The following KIRREL3 variants were observed in gnomAD, a reference collection of about 807,000 sequenced individuals.
KIRREL3 encodes the protein kin of IRRE-like protein 3.
A neutral mutation model predicts 89.7 loss-of-function variants in KIRREL3; 36 were observed. That is an observed-to-expected ratio of 0.40 (90% confidence interval 0.31 to 0.53). The LOEUF is 0.53. KIRREL3 is among the 20% of genes least tolerant of loss of function. The probability of loss-of-function intolerance (pLI) is 0.49; values close to 1 mark genes in which losing one functional copy is unlikely to be tolerated. For missense variants in KIRREL3, 864 were observed against 1,056.6 expected, an observed-to-expected ratio of 0.82 and a Z score of 2.53; for synonymous variants, 445 against 441.4, an observed-to-expected ratio of 1.01 and a Z score of -0.10.
intron 1 of KIRREL3, among the ~76,000 whole-genome samples, chr11:126,834,424 G>A (rs1361771506): frequency 6.6e-6 from 1 of 152,160 alleles, no homozygotes; most frequent in Admixed American, 6.5e-5. Context: ...GATAAAATGT[G>A]GAAGTTATTT....
intron 1 of KIRREL3, among the ~76,000 whole-genome samples, chr11:126,963,050 G>A (rs932800930): frequency 5.9e-5 from 9 of 152,062 alleles, no homozygotes; most frequent in Admixed American, 3.3e-4. Context: ...AAAATTGTGC[G>A]ATTTCCTTTA....
rs11220565 is a variant in KIRREL3 at position 126,639,857 on chromosome 11, T to G, written c.56-76945A>C. ...TGGCTGGGATCTGAGAAGGCTTAGT[T>G]TGATTACGCTTCATGGCCATCCAAT... On this transcript the variant is annotated intron_variant, in intron 1 of 16. Transcript: ENST00000525144. The surrounding 1 kb of genome is among the most constrained non-coding windows in gnomAD (Gnocchi z 4.3). 0.19 allele frequency among the ~76,000 whole-genome samples: 29,651 copies of G among 152,110 alleles called. 3,047 individuals carry two copies. The highest frequency in any genetic ancestry group is 0.4 in the East Asian group (2,060 of 5,156).
chr11:126,827,127 C>T (rs1194884676), intron 1 of KIRREL3, among the ~76,000 whole-genome samples: 2 of 151,988 alleles, frequency 1.3e-5, no homozygotes, highest in African/African-American at 4.8e-5. Flanking sequence ...TGACATTCAC[C>T]CCTCAGAGCC....
At chr11:126,920,789 G>A (rs1947240948) in intron 1 of KIRREL3, among the ~76,000 whole-genome samples, 1 of 151,938 alleles carries the variant, frequency 6.6e-6, no homozygotes, top group Non-Finnish European at 1.5e-5. Flanking sequence ...TCCTAACATC[G>A]TACCTTCCTA....
chr11:126,746,457 C>G (rs1022701211), intron 1 of KIRREL3, among the ~76,000 whole-genome samples: 2 of 152,126 alleles, frequency 1.3e-5, no homozygotes, highest in African/African-American at 4.8e-5. Context: ...CCATGACCAC[C>G]CCTGTCTTCT....
chr11:126,953,063 A>C lies in KIRREL3; in HGVS notation c.55+47392T>G, dbSNP rs1462055000. On this transcript the variant is annotated intron_variant, in intron 1 of 16. Transcript: ENST00000525144. The surrounding 1 kb of genome is among the most constrained non-coding windows in gnomAD (Gnocchi z 5.2). Reference sequence around the variant, plus strand: ...GTTTATTGCAGCACTGTTCACAATAACAAAGACTTGGAACCAATCCAAATG... The same window carrying C: ...GTTTATTGCAGCACTGTTCACAATACCAAAGACTTGGAACCAATCCAAATG... Among the ~76,000 whole-genome samples, 1 of 152,228 alleles carries C rather than the reference A, an allele frequency of 6.6e-6. No homozygotes were observed. Among genetic ancestry groups the C allele is most frequent in the East Asian group, 1.9e-4 (1 of 5,198 alleles).
intron 1 of KIRREL3, among the ~76,000 whole-genome samples, chr11:126,858,445 T>C (rs1414331228): frequency 1.3e-5 from 2 of 152,210 alleles, no homozygotes; most frequent in Admixed American, 1.3e-4. Context: ...CATTGGGTGC[T>C]GTCTGTCGTC....
In KIRREL3 at chr11:126,509,793, C is replaced by G. The variant is rs536597428; in HGVS notation, c.433+11522G>C. ...GGGGAATCACCTGAGGTCAGGAGTT[C>G]AAGACCAGCCTGGCCAGCATGGTGA... On this transcript the variant is annotated intron_variant, in intron 4 of 16. Coordinates refer to ENST00000525144, the MANE Select transcript of KIRREL3 (RefSeq NM_032531.4). Among the ~76,000 whole-genome samples the G allele has an allele frequency of 2.5e-3, 377 of 152,102 alleles. 2 individuals carry two copies. The highest frequency in any genetic ancestry group is 8.4e-3 in the African/African-American group (348 of 41,522).
At position 126,484,413 on chromosome 11, in the gene KIRREL3, T is replaced by A. The variant is rs556138652; in HGVS notation, c.434-10947A>T. ...AGAACTCTTCTGTGTACTTTACAAA[T>A]ATCCTTTAATCCTCACAGCTCTATA... On this transcript the variant is annotated intron_variant, in intron 4 of 16. Transcript: ENST00000525144. This position sits in a 1 kb window ranked among gnomAD's most constrained non-coding sequence, Gnocchi z 5.2. Among the ~76,000 whole-genome samples the A allele has an allele frequency of 2.6e-5, 4 of 152,320 alleles. No homozygotes were observed. The East Asian group carries it at 7.7e-4, about 29-fold the overall frequency.
intron 1 of KIRREL3, among the ~76,000 whole-genome samples, chr11:126,927,007 G>A (rs756421092): frequency 6.6e-6 from 1 of 152,208 alleles, no homozygotes; most frequent in East Asian, 1.9e-4. Flanking sequence ...AAGGCATGAT[G>A]CAGGCAAAAT....
chr11:126,992,837 A>G (rs1251902259), intron 1 of KIRREL3, among the ~76,000 whole-genome samples: 1 of 152,078 alleles, frequency 6.6e-6, no homozygotes, highest in Non-Finnish European at 1.5e-5. Flanking sequence ...TCATTCCTCA[A>G]TGCACTCTTT....
Position 126,965,049 on chromosome 11 carries a change from C to G in KIRREL3, c.55+35406G>C, listed in dbSNP as rs556413255. 6.6e-6 allele frequency among the ~76,000 whole-genome samples: 1 copy of G among 152,280 alleles called. No homozygotes were observed. Among genetic ancestry groups the G allele is most frequent in the Admixed American group, 6.5e-5 (1 of 15,290 alleles). On this transcript the variant is annotated intron_variant, in intron 1 of 16. Transcript: ENST00000525144. The surrounding 1 kb of genome is among the most constrained non-coding windows in gnomAD (Gnocchi z 4.4). ...TAAAAGTGTTGTACTCCCAACTCAACAGATGGGATATTAGAGCCAAGAAAA... is the reference window on the plus strand; with the variant it reads ...TAAAAGTGTTGTACTCCCAACTCAAGAGATGGGATATTAGAGCCAAGAAAA...
In KIRREL3 at chr11:126,569,334, C is replaced by T. The variant is rs532842308; in HGVS notation, c.56-6422G>A. 1.1e-4 allele frequency among the ~76,000 whole-genome samples: 16 copies of T among 152,226 alleles called. No individual in the cohort carries two copies. The South Asian group carries it at 1.5e-3, about 14-fold the overall frequency. On this transcript the variant is annotated intron_variant, in intron 1 of 16. Coordinates refer to ENST00000525144, the MANE Select transcript of KIRREL3 (RefSeq NM_032531.4). The surrounding 1 kb of genome is among the most constrained non-coding windows in gnomAD (Gnocchi z 6.5). ...CTGAAGAAATATTTTTAACCAGTTG[C>T]GTTGACCTCAGAGGGTAAACATTTT...
intron 1 of KIRREL3, among the ~76,000 whole-genome samples, chr11:126,888,601 C>A (rs4936005): frequency 1.3e-5 from 2 of 151,692 alleles, no homozygotes; most frequent in Non-Finnish European, 2.9e-5. Context: ...AAGACCCTCA[C>A]GAGGCCCTCC....
chr11:126,540,880 C>T (rs982064544), intron 2 of KIRREL3, among the ~76,000 whole-genome samples: 2 of 152,194 alleles, frequency 1.3e-5, no homozygotes, highest in Non-Finnish European at 2.9e-5. Context: ...TGGCTAAGCC[C>T]CCTTTCTTCT....
chr11:126,436,734 C>G, intron 12 of KIRREL3, 77 bp downstream of exon 12: 1 of 1,515,864 alleles, frequency 6.6e-7, no homozygotes, highest in Non-Finnish European at 9.1e-7. Flanking sequence ...TGCAGCCACC[C>G]GCGCCCTGAC....
rs186246900 is a variant in KIRREL3 at position 126,470,228 on chromosome 11, G to C, written c.591+3081C>G. 6.9e-4 allele frequency among the ~76,000 whole-genome samples: 105 copies of C among 152,368 alleles called. 2 individuals are homozygous for C. The highest frequency in any genetic ancestry group is 5.1e-3 in the Admixed American group (78 of 15,304). ...TCTGCTAGGGTCCAGGCTGGCCCAAGTTCAGGGAGGGACAGGACAGGTGCT... is the reference window on the plus strand; with the variant it reads ...TCTGCTAGGGTCCAGGCTGGCCCAACTTCAGGGAGGGACAGGACAGGTGCT... On this transcript the variant is annotated intron_variant, in intron 5 of 16. Coordinates refer to ENST00000525144, the MANE Select transcript of KIRREL3 (RefSeq NM_032531.4).
intron 1 of KIRREL3, among the ~76,000 whole-genome samples, chr11:126,913,018 A>T (rs145934971): frequency 9.8e-5 from 15 of 152,336 alleles, no homozygotes; most frequent in African/African-American, 3.6e-4. Flanking sequence ...ACACGTAGTT[A>T]CCAGAAGTGG....
rs1276611367 is a variant in KIRREL3, at chr11:126,639,443, T to A, written c.56-76531A>T. On this transcript the variant is annotated intron_variant, in intron 1 of 16. Transcript: ENST00000525144. This position sits in a 1 kb window ranked among gnomAD's most constrained non-coding sequence, Gnocchi z 4.3. The stretch of plus-strand genomic sequence containing the variant: ...GTATATATTTTTTAATGGAACCCAA[T>A]CCCTTAAGCCTTTAAAAGTAACCTC... Among the ~76,000 whole-genome samples the A allele has an allele frequency of 6.6e-6, 1 of 152,196 alleles. No homozygotes were observed. The highest frequency in any genetic ancestry group is 6.5e-5 in the Admixed American group (1 of 15,288).
Sources: gnomAD v4.1 joint callset for allele counts (sites outside exome capture counted in the v4.1 genomes callset) on GRCh38, gnomAD v4.1.1 for gene constraint, Gnocchi (gnomAD v3.1) non-coding constraint, MANE v1.5 for transcripts, NCBI Gene and HGNC (gene_info 2026-07-23, HGNC 2026-07-21) for gene names.